ARHGAP32: variants seen among roughly 807,000 people sequenced by gnomAD.
The protein encoded by ARHGAP32 is Rho GTPase activating protein 32.
Under a neutral mutation model 186.5 loss-of-function variants are expected in ARHGAP32, and 51 were observed. The ratio of observed to expected loss-of-function variants is 0.27; its 90% CI spans 0.22 to 0.35. The LOEUF is 0.35. Among genes scored for constraint, ARHGAP32 ranks in the 10% least tolerant of loss-of-function variants. The pLI, the probability that ARHGAP32 is intolerant of heterozygous loss-of-function variation, is 1.00. For synonymous variants in ARHGAP32, 950 were observed against 964.3 expected, an observed-to-expected ratio of 0.99 and a Z score of 0.27; for missense variants, 2,186 against 2,623.5, an observed-to-expected ratio of 0.83 and a Z score of 3.64.
Position 128,974,602 on chromosome 11 carries a change from G to A in ARHGAP32, c.2595C>T (p.Ser865=), listed in dbSNP as rs776618929. 2 of 1,614,186 alleles carry A rather than the reference G, an allele frequency of 1.2e-6. No individual in the cohort carries two copies. The highest frequency in any genetic ancestry group is 1.1e-5 in the South Asian group (1 of 91,072). Residue 865 remains serine, a synonymous_variant, in exon 21 of 23, where the codon AGC becomes AGT. Transcript: ENST00000682385. ...CCTGAAGAGGAGAGACAGGTTCAGA[G>A]CTTGCTGTGCTTCCTGGAGTCTGAC... ...SQCQTPGSTA[S]SEPVSPLQEK... is the part of the protein sequence containing the mutation.
chr11:129,157,952 A>G (rs988092879), intron 2 of ARHGAP32, among the ~76,000 whole-genome samples: 1 of 152,232 alleles, frequency 6.6e-6, no homozygotes, highest in Non-Finnish European at 1.5e-5. Context: ...TTTTCAACCC[A>G]GAATTTCATA....
At chr11:129,093,122 T>C (rs909348382) in intron 6 of ARHGAP32, among the ~76,000 whole-genome samples, 3 of 152,096 alleles carry the variant, frequency 2.0e-5, no homozygotes, top group South Asian at 2.1e-4. Flanking sequence ...AGAAACTTAA[T>C]GTCTCAGTTA....
At chr11:129,077,445 G>A (rs1941078802) in intron 6 of ARHGAP32, among the ~76,000 whole-genome samples, 2 of 152,070 alleles carry the variant, frequency 1.3e-5, no homozygotes, top group African/African-American at 4.8e-5. Context: ...ATATAAACTT[G>A]GTGCTGTTGA....
In ARHGAP32 at chr11:129,142,990, A is replaced by G. The variant is rs1489366612; in HGVS notation, c.226-18096T>C. Among the ~76,000 whole-genome samples the G allele has an allele frequency of 4.0e-5, 6 of 149,972 alleles. No individual in the cohort carries two copies. In the East Asian group the frequency reaches 1.2e-3, roughly 29 times the overall value. On this transcript the variant is annotated intron_variant, in intron 2 of 22. Transcript: ENST00000682385. ...GGTGACAAAAATATCATTTCTGCTT[A>G]AAATATAGTGATGAAGGGGAAAAAA...
intron 6 of ARHGAP32, among the ~76,000 whole-genome samples, chr11:129,084,549 G>A (rs1177037452): frequency 6.6e-6 from 1 of 151,884 alleles, no homozygotes; most frequent in East Asian, 1.9e-4. Flanking sequence ...GGCTAAAGAA[G>A]AATAAAAATC....
intron 11 of ARHGAP32, among the ~76,000 whole-genome samples, chr11:129,040,162 T>C (rs981049713): frequency 1.3e-5 from 2 of 151,982 alleles, no homozygotes; most frequent in African/African-American, 4.8e-5. Flanking sequence ...GTCCTAAAAC[T>C]AGAAAATACT....
In ARHGAP32 at chr11:129,254,864, ATGTAT is replaced by A. The variant is rs1591721825; in HGVS notation, c.-5+24277_-5+24281del. Among the ~76,000 whole-genome samples the A allele has an allele frequency of 2.0e-5, 3 of 152,122 alleles. No individual in the cohort carries two copies. In the East Asian group the frequency reaches 5.8e-4, roughly 29 times the overall value. ...AAAATGAGCAATGATTTTAAATGTG[ATGTAT>A]TGTGTGTACACCAATAAATTATTTT... is the stretch of plus-strand genomic sequence containing the variant. On this transcript the variant is annotated intron_variant, in intron 1 of 6. Transcript: ENST00000525234.
intron 11 of ARHGAP32, among the ~76,000 whole-genome samples, chr11:129,005,043 AT>A (rs1465633739): frequency 6.6e-6 from 1 of 151,790 alleles, no homozygotes; most frequent in Non-Finnish European, 1.5e-5. Flanking sequence ...TGCATTGTAT[AT>A]TTTTGGATTT....
chr11:129,185,635 G>T (rs938885081), intron 1 of ARHGAP32, among the ~76,000 whole-genome samples: 3 of 152,052 alleles, frequency 2.0e-5, no homozygotes, highest in African/African-American at 4.8e-5. Context: ...AATTAAATCT[G>T]AATGAAAAGC....
intron 11 of ARHGAP32, among the ~76,000 whole-genome samples, chr11:129,005,028 G>A (rs577284062): frequency 6.6e-6 from 1 of 151,720 alleles, no homozygotes; most frequent in South Asian, 2.1e-4. Flanking sequence ...TCTACTTTTT[G>A]TGTATGCATT....
At chr11:129,170,221 A>C (rs1158678051) in intron 1 of ARHGAP32, among the ~76,000 whole-genome samples, 1 of 151,782 alleles carries the variant, frequency 6.6e-6, no homozygotes, top group East Asian at 1.9e-4. Context: ...AAAAAAAAAA[A>C]AAAACGGGAT....
At chr11:128,987,276 C>T (rs1945901680) in intron 13 of ARHGAP32, among the ~76,000 whole-genome samples, 1 of 152,148 alleles carries the variant, frequency 6.6e-6, no homozygotes, top group Non-Finnish European at 1.5e-5. Context: ...CATCCACGGG[C>T]ATGAGACCAC....
chr11:129,219,082 G>A (rs1944681425), intron 1 of ARHGAP32, among the ~76,000 whole-genome samples: 1 of 152,178 alleles, frequency 6.6e-6, no homozygotes, highest in South Asian at 2.1e-4. Context: ...CAGCCATTGG[G>A]CCACATTGGG....
chr11:129,082,005 T>C (rs184944829), intron 6 of ARHGAP32, among the ~76,000 whole-genome samples: 2 of 151,598 alleles, frequency 1.3e-5, no homozygotes, highest in African/African-American at 4.8e-5. Context: ...TTTACAATAG[T>C]TGCAAATAAA....
At chr11:129,229,596 G>A (rs900287143) in intron 1 of ARHGAP32, among the ~76,000 whole-genome samples, 26 of 152,142 alleles carry the variant, frequency 1.7e-4, no homozygotes, top group Admixed American at 1.5e-3. Context: ...ATTTAAGGCT[G>A]AAAAGTCTAT....
chr11:129,066,509 T>C (rs948362096), intron 7 of ARHGAP32, among the ~76,000 whole-genome samples: 3 of 152,074 alleles, frequency 2.0e-5, no homozygotes, highest in African/African-American at 7.2e-5. Flanking sequence ...TGCTTGTTGA[T>C]ATATTGTTAT....
At chr11:129,239,286 T>C (rs1470590558) in intron 1 of ARHGAP32, among the ~76,000 whole-genome samples, 4 of 152,238 alleles carry the variant, frequency 2.6e-5, no homozygotes, top group Admixed American at 2.0e-4. Flanking sequence ...ACTTTTTTTG[T>C]GTGAGCACTT....
intron 6 of ARHGAP32, among the ~76,000 whole-genome samples, chr11:129,083,188 G>T (rs1941272535): frequency 6.6e-6 from 1 of 152,184 alleles, no homozygotes; most frequent in East Asian, 1.9e-4. Flanking sequence ...ATTCCTTGAA[G>T]AATTAAAAGT....
Position 128,986,103 on chromosome 11 carries a change from CA to C in ARHGAP32, c.1444-19del, listed in dbSNP as rs1945865939. 9.5e-6 allele frequency: 15 copies of C among 1,576,972 alleles called. No homozygotes were observed. The highest frequency in any genetic ancestry group is 1.2e-5 in the Non-Finnish European group (14 of 1,157,152). The stretch of plus-strand genomic sequence containing the variant: ...ACTGCATCCTAGAAGAGTCACAGTA[CA>C]AAATAAACTAGTGAGCTCTGTTAGT... On this transcript the variant is annotated intron_variant, in intron 14 of 22. Coordinates refer to ENST00000682385, the MANE Select transcript of ARHGAP32 (RefSeq NM_001378024.1).
Sources: gnomAD v4.1 joint callset for allele counts (sites outside exome capture counted in the v4.1 genomes callset) on GRCh38, gnomAD v4.1.1 for gene constraint, MANE v1.5 for transcripts, NCBI Gene and HGNC (gene_info 2026-07-23, HGNC 2026-07-21) for gene names.